BEST3: variants seen among roughly 807,000 people sequenced by gnomAD.
The protein encoded by BEST3 is bestrophin-3.
BEST3 carries 50 observed loss-of-function variants against 47.1 expected under a neutral mutation model. The ratio of observed to expected loss-of-function variants is 1.06; its 90% CI spans 0.85 to 1.34. The LOEUF (loss-of-function observed/expected upper bound fraction) is 1.34. BEST3 is among the 40% of genes most tolerant of loss of function. The pLI is 0.00. For missense variants in BEST3, 765 were observed against 817.0 expected (o/e 0.94, Z 0.78); for synonymous variants, 282 against 298.8 (o/e 0.94, Z 0.58).
chr12:69,696,573 C>G lies in BEST3; in HGVS notation c.152+1074G>C, dbSNP rs140631351. 1.9e-3 allele frequency among the ~76,000 whole-genome samples: 294 copies of G among 152,236 alleles called. 3 individuals are homozygous for G. The highest frequency in any genetic ancestry group is 6.9e-3 in the African/African-American group (285 of 41,546). On this transcript the variant is annotated intron_variant, in intron 2 of 9. Transcript: ENST00000330891. Reference sequence around the variant, plus strand: ...AGAGGTTGTTAATAGGACTTTCCCTCTAAAAATATTTTGTCAAGATATATA... The same window carrying G: ...AGAGGTTGTTAATAGGACTTTCCCTGTAAAAATATTTTGTCAAGATATATA...
At position 69,643,739 on chromosome 12, in the gene BEST3, T is replaced by TA. The variant is rs1882946608; in HGVS notation, c.1148_1149insT (p.Leu384ThrfsTer10). On this transcript the variant is annotated frameshift_variant, in exon 10 of 10. Transcript: ENST00000331471. LOFTEE classifies it low-confidence loss of function (END_TRUNC). ...CACACTGGAATTGAGGCTGAGGGAGTGGGATTTTTATATCTTCCATCTTCC... is the reference window on the plus strand; with the variant it reads ...CACACTGGAATTGAGGCTGAGGGAGTAGGGATTTTTATATCTTCCATCTTCC... 7 of 715,082 alleles carry TA rather than the reference T, an allele frequency of 9.8e-6. No homozygotes were observed. In the East Asian group the frequency reaches 1.9e-4, roughly 19 times the overall value. 44.3% of individuals were successfully genotyped at this position (715,082 alleles called of 1,614,324 possible).
chr12:69,678,831 A>G lies in BEST3; in HGVS notation c.544T>C (p.Trp182Arg), dbSNP rs1204224860. 2.5e-6 allele frequency: 4 copies of G among 1,613,776 alleles called. No homozygotes were observed. The highest frequency in any genetic ancestry group is 1.6e-4 in the Middle Eastern group (1 of 6,084). The change falls in exon 5 of 10, where the codon TGG becomes CGG. Residue 182 changes from tryptophan to arginine, a missense_variant. Physicochemically the swap from Trp to Arg is moderately radical, Grantham distance 101. Transcript: ENST00000330891. ...TTTCCAAACCAGATGAATGGAACCC[A>G]ATATTTCAGATGAGGAGACTTGAGG... ...NHLKSPHLKY[W>R]VPFIWFGNLA...
chr12:69,654,144 T>C lies in BEST3; in HGVS notation c.*763A>G, dbSNP rs1361076624. The C allele has an allele frequency of 1.0e-6, 1 of 985,230 alleles. No homozygotes were observed. The allele number at this position is 985,230 out of a possible 1,614,324, so 61.0% of individuals were successfully genotyped here. A position where few individuals can be genotyped will look rare whatever the true frequency, so the allele number is the denominator to read the frequency against. Reference sequence around the variant, plus strand: ...ATGATTCTGTAGGAGGCTTTGCCAATGTCTTATATTTTGAAATTCATGGCA... The same window carrying C: ...ATGATTCTGTAGGAGGCTTTGCCAACGTCTTATATTTTGAAATTCATGGCA... On this transcript the variant is annotated 3_prime_UTR_variant, in exon 10 of 10. Coordinates refer to ENST00000330891, the MANE Select transcript of BEST3 (RefSeq NM_032735.3).
Position 69,676,896 on chromosome 12 carries a change from G to A in BEST3, c.867+20C>T, listed in dbSNP as rs1884955131. On this transcript the variant is annotated intron_variant, in intron 7 of 9. Coordinates refer to ENST00000330891, the MANE Select transcript of BEST3 (RefSeq NM_032735.3). ...GGAACATAACACATTACAAAGTGGG[G>A]CCCTGAGACCACTGGCTACCTTAAG... 1.2e-6 allele frequency: 2 copies of A among 1,610,812 alleles called. No individual in the cohort carries two copies. Among genetic ancestry groups the A allele is most frequent in the East Asian group, 2.2e-5 (1 of 44,872 alleles).
rs1396319782 is a variant in BEST3, at chr12:69,653,638, C to A, written c.*1269G>T. 1 of 985,112 alleles carries A rather than the reference C, an allele frequency of 1.0e-6. No individual in the cohort carries two copies. The highest frequency in any genetic ancestry group is 1.7e-5 in the African/African-American group (1 of 57,210). The allele number at this position is 985,112 out of a possible 1,614,324, so 61.0% of individuals were successfully genotyped here. On this transcript the variant is annotated 3_prime_UTR_variant, in exon 10 of 10. Transcript: ENST00000330891. ...TTTGAGGGTTATTTTATTTCTAAAGCCATATGTAGTCAAGTGCCATCATAT... is the reference window on the plus strand; with the variant it reads ...TTTGAGGGTTATTTTATTTCTAAAGACATATGTAGTCAAGTGCCATCATAT...
At chr12:69,693,412 C>A (rs1267494408) in intron 4 of BEST3, among the ~76,000 whole-genome samples, 3 of 151,742 alleles carry the variant, frequency 2.0e-5, no homozygotes, top group Non-Finnish European at 4.4e-5. Context: ...TACAGGCACA[C>A]GCCACCACGC....
chr12:69,684,536 C>T, intron 4 of BEST3: 1 of 656,026 alleles, frequency 1.5e-6, no homozygotes, highest in Non-Finnish European at 2.9e-6. Flanking sequence ...TCAAACGAGG[C>T]TCTATTAGCA....
chr12:69,670,760 A>G (rs996685569), intron 9 of BEST3, among the ~76,000 whole-genome samples: 1 of 147,290 alleles, frequency 6.8e-6, no homozygotes, highest in African/African-American at 2.6e-5. Flanking sequence ...CTTTTGCTAC[A>G]GTTTTTTTGT....
intron 9 of BEST3, among the ~76,000 whole-genome samples, chr12:69,657,944 A>G (rs1207573094): frequency 6.6e-6 from 1 of 152,188 alleles, no homozygotes; most frequent in African/African-American, 2.4e-5. Context: ...GACTTGAGAA[A>G]TGCAGACTCA....
intron 9 of BEST3, among the ~76,000 whole-genome samples, chr12:69,665,662 T>C (rs7133035): frequency 0.49 from 74,838 of 151,388 alleles, 18,641 homozygotes; most frequent in Admixed American, 0.63. Context: ...TTAGCCTTAC[T>C]GAAGACAAAA....
chr12:69,646,139 T>C (rs1287684819), intron 9 of BEST3, among the ~76,000 whole-genome samples: 1 of 152,130 alleles, frequency 6.6e-6, no homozygotes, highest in Non-Finnish European at 1.5e-5. Context: ...GGTTTTGCCA[T>C]GTTGGCCAGG....
At position 69,655,930 on chromosome 12, in the gene BEST3, G is replaced by T. The variant is rs986124971; in HGVS notation, c.1101-117C>A. On this transcript the variant is annotated intron_variant, in intron 9 of 9. Coordinates refer to ENST00000330891, the MANE Select transcript of BEST3 (RefSeq NM_032735.3). ...TTTTGCCTTATAGATTTTTTAAATG[G>T]GGGTTTGAGGACTTGAGATAGTCTA... The T allele has an allele frequency of 3.4e-5, 49 of 1,429,188 alleles. No individual in the cohort carries two copies. The East Asian group carries it at 1.2e-3, about 35-fold the overall frequency. 88.5% of individuals were successfully genotyped at this position (1,429,188 alleles called of 1,614,324 possible).
At chr12:69,688,130 T>C (rs1255715144) in intron 4 of BEST3, among the ~76,000 whole-genome samples, 1 of 152,226 alleles carries the variant, frequency 6.6e-6, no homozygotes, top group Admixed American at 6.5e-5. Flanking sequence ...CTGATGCTTG[T>C]AAATACTAGA....
Position 69,697,663 on chromosome 12 carries a change from T to C in BEST3, c.136A>G (p.Ile46Val), listed in dbSNP as rs766428335. 2.6e-5 allele frequency: 41 copies of C among 1,598,840 alleles called. No homozygotes were observed. In the South Asian group the frequency reaches 4.5e-4, roughly 18 times the overall value. ...FIVFAVLYTA[I>V]SLVYRLLLTG... is the part of the protein sequence containing the mutation. ...GAAAAGTACCTGTATACCAAACTTATTGCTGTATAAAGAACAGCAAAAACA... is the reference window on the plus strand; with the variant it reads ...GAAAAGTACCTGTATACCAAACTTACTGCTGTATAAAGAACAGCAAAAACA... Residue 46 changes from isoleucine (I) to valine (V), a missense_variant, in exon 2 of 10, where the codon ATA (isoleucine) becomes GTA (valine). By Grantham distance (29) the Ile-to-Val change is conservative (BLOSUM62 3). Coordinates refer to ENST00000330891, the MANE Select transcript of BEST3 (RefSeq NM_032735.3).
At chr12:69,690,103 G>A (rs1885856648) in intron 4 of BEST3, among the ~76,000 whole-genome samples, 1 of 152,214 alleles carries the variant, frequency 6.6e-6, no homozygotes, top group African/African-American at 2.4e-5. Context: ...CAGAGGGACT[G>A]ACGTGGGTGG....
chr12:69,647,985 C>T lies in BEST3; in HGVS notation c.1101-4198G>A, dbSNP rs886766808. 1.6e-4 allele frequency among the ~76,000 whole-genome samples: 24 copies of T among 152,246 alleles called. No individual in the cohort carries two copies. In the Middle Eastern group the frequency reaches 0.014, roughly 86 times the overall value. On this transcript the variant is annotated intron_variant, in intron 9 of 9. Coordinates refer to the BEST3 transcript ENST00000331471. ...TCAGAAGAAGAGTCCTAAAAGGATG[C>T]ACAGGCACATGAAGAGATGCTTAAT...
At chr12:69,697,605 A>G in intron 2 of BEST3, 42 bp downstream of exon 2, 8 of 1,473,538 alleles carry the variant, frequency 5.4e-6, no homozygotes, top group South Asian at 1.3e-5. Context: ...TATCTTACAC[A>G]ATATCTGATG....
At chr12:69,668,893 TA>T (rs1177282490) in intron 9 of BEST3, among the ~76,000 whole-genome samples, 2 of 152,160 alleles carry the variant, frequency 1.3e-5, no homozygotes, top group African/African-American at 4.8e-5. Flanking sequence ...GCTGAGAAGG[TA>T]AGCTGTAAGC....
intron 4 of BEST3, among the ~76,000 whole-genome samples, chr12:69,686,788 A>AAAACAAAAAAAAAG (rs1885635708): frequency 6.7e-6 from 1 of 149,508 alleles, no homozygotes; most frequent in South Asian, 2.1e-4. Flanking sequence ...ACAAAAAAAA[A>AAAACAAAAAAAAAG]AGAAAGAAAA....
Sources: gnomAD v4.1 joint callset for allele counts (sites outside exome capture counted in the v4.1 genomes callset) on GRCh38, gnomAD v4.1.1 for gene constraint, MANE v1.5 for transcripts, NCBI Gene and HGNC (gene_info 2026-07-23, HGNC 2026-07-21) for gene names.